The following SYNE2 variants were observed in gnomAD, a reference collection of about 807,000 sequenced individuals.
The protein encoded by SYNE2 is nesprin-2.
SYNE2 carries 431 observed loss-of-function variants against 856.3 expected under a neutral mutation model. The observed-to-expected ratio is 0.50, with a 90% CI of 0.47 to 0.55. SYNE2 has a LOEUF of 0.55. Among genes scored for constraint, SYNE2 ranks in the 20% least tolerant of loss-of-function variants. The probability of loss-of-function intolerance (pLI) is 0.00; values close to 1 mark genes in which losing one functional copy is unlikely to be tolerated. For synonymous variants in SYNE2, 2,923 were observed against 2,872.3 expected, an observed-to-expected ratio of 1.02 and a Z score of -0.56; for missense variants, 8,129 against 8,023.2, an observed-to-expected ratio of 1.01 and a Z score of -0.50.
chr14:63,993,996 T>G, intron 22 of SYNE2, 27 bp downstream of exon 22: 3 of 1,611,854 alleles, frequency 1.9e-6, no homozygotes, highest in Non-Finnish European at 1.7e-6. Context: ...GTTTCTGAAC[T>G]TACGTTTTTA....
At chr14:64,026,529 A>G (rs201747868) in intron 41 of SYNE2, 50 bp from the exon 42 acceptor site, 1 of 1,414,666 alleles carries the variant, frequency 7.1e-7, no homozygotes. Flanking sequence ...AGCATGTAGT[A>G]TCTCTAAGTA....
At chr14:63,859,980 C>G (rs1454215486) in intron 1 of SYNE2, among the ~76,000 whole-genome samples, 1 of 137,584 alleles carries the variant, frequency 7.3e-6, no homozygotes, top group East Asian at 2.3e-4. Context: ...TCCCTTCCTC[C>G]CTTCCTTCCT....
chr14:63,858,139 A>G lies in SYNE2; in HGVS notation c.-52+4996A>G, dbSNP rs372547501. Among the ~76,000 whole-genome samples the G allele has an allele frequency of 4.6e-4, 70 of 151,644 alleles. 1 individual carries two copies. The East Asian group carries it at 0.013, about 29-fold the overall frequency. On this transcript the variant is annotated intron_variant, in intron 1 of 115. Transcript: ENST00000555002. ...TATTATTTATTTATTTATTTAAGAC[A>G]CAGTCTCACTCTGTCACCCAGGCTG...
chr14:64,066,905 C>T (rs967246068), intron 51 of SYNE2, among the ~76,000 whole-genome samples: 1 of 152,112 alleles, frequency 6.6e-6, no homozygotes, highest in Non-Finnish European at 1.5e-5. Flanking sequence ...GCTGTAAACC[C>T]CTGTAGGCTG....
chr14:63,768,854 C>A (rs1886787061), intron 1 of SYNE2, among the ~76,000 whole-genome samples: 1 of 151,886 alleles, frequency 6.6e-6, no homozygotes, highest in Non-Finnish European at 1.5e-5. Flanking sequence ...ACTTGGAGAT[C>A]ACAGTCATAG....
chr14:64,096,803 C>T (rs990581167), intron 61 of SYNE2, among the ~76,000 whole-genome samples: 3 of 152,136 alleles, frequency 2.0e-5, no homozygotes, highest in Admixed American at 1.3e-4. Flanking sequence ...AGACAGATTA[C>T]GTTTCTCTGT....
chr14:64,214,597 C>G (rs1436392035), intron 106 of SYNE2, 127 bp downstream of exon 106: 1 of 922,546 alleles, frequency 1.1e-6, no homozygotes, highest in Non-Finnish European at 1.7e-6. Flanking sequence ...TCTGTGGTTT[C>G]CTGTGCTCTA....
chr14:64,143,191 C>G (rs901493614), intron 82 of SYNE2, among the ~76,000 whole-genome samples: 4 of 152,192 alleles, frequency 2.6e-5, no homozygotes, highest in African/African-American at 9.7e-5. Context: ...CTAGAACTTG[C>G]AGAGATAAAA....
chr14:63,941,439 C>T (rs1418817804), intron 3 of SYNE2, among the ~76,000 whole-genome samples: 1 of 152,188 alleles, frequency 6.6e-6, no homozygotes, highest in African/African-American at 2.4e-5. Flanking sequence ...CACTTGTGTG[C>T]ACAGGTTTTA....
chr14:63,990,560 G>A lies in SYNE2; in HGVS notation c.2463G>A (p.Glu821=), dbSNP rs370920624. Residue 821 remains glutamate, a synonymous_variant, in exon 20 of 116, where the codon GAG becomes GAA. Coordinates refer to ENST00000555002, the MANE Select transcript of SYNE2 (RefSeq NM_182914.3). The part of the protein sequence containing the change: ...GLQAKIQEAK[E]KVQINVVKLI... ...AGGCAAAGATTCAAGAAGCTAAAGA[G>A]AAAGTCCAGGTCTCTCTTTAATATT... The A allele has an allele frequency of 6.2e-6, 10 of 1,613,774 alleles. No individual in the cohort carries two copies. Among genetic ancestry groups the A allele is most frequent in the Non-Finnish European group, 7.6e-6 (9 of 1,179,886 alleles).
At chr14:64,172,524 T>C (rs1021751652) in intron 94 of SYNE2, among the ~76,000 whole-genome samples, 3 of 152,168 alleles carry the variant, frequency 2.0e-5, no homozygotes, top group Non-Finnish European at 4.4e-5. Flanking sequence ...AAGATTCTTA[T>C]CCCGAGAACA....
chr14:63,948,073 T>A (rs535660228), intron 6 of SYNE2, among the ~76,000 whole-genome samples: 1 of 152,276 alleles, frequency 6.6e-6, no homozygotes, highest in Admixed American at 6.5e-5. Context: ...TCTTCATTAT[T>A]ATTTGCTTTT....
At chr14:63,992,736 G>C (rs183042623) in intron 21 of SYNE2, among the ~76,000 whole-genome samples, 210 of 152,302 alleles carry the variant, frequency 1.4e-3, no homozygotes, top group Admixed American at 4.2e-3. Context: ...TGCCCTGGTA[G>C]GCATGCACAC....
chr14:64,135,656 G>A (rs985863220), intron 78 of SYNE2, among the ~76,000 whole-genome samples: 2 of 152,144 alleles, frequency 1.3e-5, no homozygotes, highest in Admixed American at 6.5e-5. Flanking sequence ...GAGTGTGATT[G>A]TTTTCTCCAA....
chr14:63,999,354 C>G (rs2096736774), intron 27 of SYNE2, among the ~76,000 whole-genome samples: 1 of 152,130 alleles, frequency 6.6e-6, no homozygotes, highest in African/African-American at 2.4e-5. Flanking sequence ...GGGAATTGAT[C>G]AAAAACAATG....
At position 64,193,744 on chromosome 14, in the gene SYNE2, C is replaced by CATTTCAGGTGGTAGCCTCCATTGTTGG. The variant is rs1325691022; in HGVS notation, c.18038+3510_18038+3536dup. On this transcript the variant is annotated intron_variant, in intron 99 of 115. Transcript: ENST00000555002. ...TTAAAAACCACATTAGATTTCTGAT[C>CATTTCAGGTGGTAGCCTCCATTGTTGG]ATTTCAGGTGGTAGCCTCCATTGTT... Among the ~76,000 whole-genome samples, 153 of 152,296 alleles carry CATTTCAGGTGGTAGCCTCCATTGTTGG rather than the reference C, an allele frequency of 1.0e-3. 1 individual carries two copies. The highest frequency in any genetic ancestry group is 1.4e-3 in the Non-Finnish European group (98 of 68,014).
chr14:64,103,169 C>G (rs1236518702), intron 64 of SYNE2, among the ~76,000 whole-genome samples: 1 of 152,170 alleles, frequency 6.6e-6, no homozygotes, highest in Non-Finnish European at 1.5e-5. Context: ...GGTTCTATTT[C>G]TATTGTGTAC....
chr14:63,810,646 A>G (rs1888579956), intron 1 of SYNE2, among the ~76,000 whole-genome samples: 1 of 152,168 alleles, frequency 6.6e-6, no homozygotes, highest in Non-Finnish European at 1.5e-5. Flanking sequence ...AAGGATGATT[A>G]TAGTTTTTTT....
rs1489197088 is a variant in SYNE2 at position 63,801,889 on chromosome 14, C to A, written c.-305+39903C>A. On this transcript the variant is annotated intron_variant, in intron 1 of 23. Coordinates refer to the SYNE2 transcript ENST00000674003. ...TTTTTATAAGTATAAAGAAATAAAA[C>A]CCTAGAAATAGAAGAAAAGGATAAT... Among the ~76,000 whole-genome samples, 3 of 141,638 alleles carry A rather than the reference C, an allele frequency of 2.1e-5. No individual in the cohort carries two copies. The South Asian group carries it at 6.7e-4, about 32-fold the overall frequency. The allele number at this position is 141,638 out of a possible 152,430, so 92.9% of individuals were successfully genotyped here.
Sources: allele counts gnomAD v4.1 joint callset (sites outside exome capture counted in the v4.1 genomes callset), GRCh38; gene constraint gnomAD v4.1.1; transcripts MANE v1.5; gene names NCBI Gene and HGNC (gene_info 2026-07-23, HGNC 2026-07-21).